Variants in ARFGEF1 observed in about 807,000 individuals in gnomAD.
ARFGEF1 encodes the protein brefeldin A-inhibited guanine nucleotide-exchange protein 1.
ARFGEF1 carries 42 observed loss-of-function variants against 231.0 expected under a neutral mutation model. The observed-to-expected ratio is 0.18, with a 90% CI of 0.14 to 0.24. The LOEUF (loss-of-function observed/expected upper bound fraction) is 0.24, where lower values mean the gene tolerates loss of function less well. Ranked by LOEUF, ARFGEF1 falls within the 10% of genes least tolerant of loss-of-function variation. The pLI is 1.00. For missense variants in ARFGEF1, 1,345 were observed against 2,192.0 expected, an observed-to-expected ratio of 0.61 and a Z score of 7.72; for synonymous variants, 710 against 732.3, an observed-to-expected ratio of 0.97 and a Z score of 0.49.
intron 1 of ARFGEF1, among the ~76,000 whole-genome samples, chr8:67,308,474 T>C (rs1454121487): frequency 6.6e-6 from 1 of 152,190 alleles, no homozygotes; most frequent in African/African-American, 2.4e-5. Context: ...TTAACAGATA[T>C]AGAGCTTAAT....
At chr8:67,197,369 G>A (rs1838084183), downstream of ARFGEF1, among the ~76,000 whole-genome samples, 1 of 152,072 alleles carries the variant, frequency 6.6e-6, no homozygotes, top group South Asian at 2.1e-4. Context: ...TGTGAGAATC[G>A]TGAGCCCAGT....
At chr8:67,225,064 C>T in intron 28 of ARFGEF1, 31 bp from the exon 29 acceptor site, 1 of 1,568,086 alleles carries the variant, frequency 6.4e-7, no homozygotes. Flanking sequence ...TTATTAAAGG[C>T]AAAACATAAC....
chr8:67,274,322 G>GC (rs1196653267), intron 9 of ARFGEF1, among the ~76,000 whole-genome samples: 1 of 139,538 alleles, frequency 7.2e-6, no homozygotes, highest in African/African-American at 2.9e-5. Flanking sequence ...TTGACTTTTG[G>GC]CAAAAAAAAA....
Position 67,224,923 on chromosome 8 carries a change from G to C in ARFGEF1, c.4188C>G (p.Cys1396Trp). ...GTTACCTGGTTCTTACATCTAATTT[G>C]CATCTATTGATGATACAGGATAACT... ...LFELSCIINRCKLDVRTRGLT... is the reference protein window; with the variant it reads ...LFELSCIINRWKLDVRTRGLT... The change falls in exon 29 of 39, where the codon TGC becomes TGG. Residue 1396 changes from cysteine to tryptophan, a missense_variant. By Grantham distance (215) the Cys-to-Trp change is radical. Coordinates refer to ENST00000262215, the MANE Select transcript of ARFGEF1 (RefSeq NM_006421.5). 6.4e-7 allele frequency: 1 copy of C among 1,564,110 alleles called. No homozygotes were observed. The highest frequency in any genetic ancestry group is 8.7e-7 in the Non-Finnish European group (1 of 1,155,946).
intron 34 of ARFGEF1, among the ~76,000 whole-genome samples, chr8:67,210,770 C>T (rs986551119): frequency 6.6e-6 from 1 of 152,092 alleles, no homozygotes; most frequent in African/African-American, 2.4e-5. Context: ...GAAGTGATGA[C>T]ATGGCCAGGC....
At chr8:67,321,207 T>A (rs1807575707) in intron 1 of ARFGEF1, among the ~76,000 whole-genome samples, 1 of 152,018 alleles carries the variant, frequency 6.6e-6, no homozygotes, top group African/African-American at 2.4e-5. Context: ...ATCCCAACTG[T>A]GATAGAAGTT....
At chr8:67,220,912 T>TA (rs1839134256) in intron 29 of ARFGEF1, among the ~76,000 whole-genome samples, 3 of 150,738 alleles carry the variant, frequency 2.0e-5, no homozygotes, top group Admixed American at 6.6e-5. Context: ...TTTTTTTTTT[T>TA]AAAGCCATAC....
At position 67,217,999 on chromosome 8, in the gene ARFGEF1, C is replaced by T. The variant is rs773895880; in HGVS notation, c.4474+4G>A. ...TTTGTGTCACATATCTGGTACAGAC[C>T]TACCTTGCTGCACACACCAGTAGAG... On this transcript the variant is annotated splice_donor_region_variant and intron_variant, in intron 31 of 38. Transcript: ENST00000262215. 1.2e-6 allele frequency: 2 copies of T among 1,612,070 alleles called. No homozygotes were observed. The highest frequency in any genetic ancestry group is 1.7e-5 in the Admixed American group (1 of 59,824).
intron 32 of ARFGEF1, among the ~76,000 whole-genome samples, chr8:67,217,079 C>T (rs558858697): frequency 1.3e-5 from 2 of 151,206 alleles, no homozygotes; most frequent in South Asian, 2.1e-4. Flanking sequence ...CCAAGGTGGG[C>T]GGATCACCCG....
At chr8:67,270,684 G>A (rs1428415309) in intron 10 of ARFGEF1, among the ~76,000 whole-genome samples, 48 of 118,366 alleles carry the variant, frequency 4.1e-4, no homozygotes, top group African/African-American at 1.4e-3. Flanking sequence ...ATTTGAAGAT[G>A]AAAACAAAAA....
In ARFGEF1 at chr8:67,337,128, CAAAA is replaced by C. The variant is rs1160016610; in HGVS notation, c.124+6032_124+6035del. 2.9e-3 allele frequency among the ~76,000 whole-genome samples: 162 copies of C among 54,974 alleles called. 1 individual carries two copies. Among genetic ancestry groups the C allele is most frequent in the African/African-American group, 0.011 (154 of 13,672 alleles). 36.1% of individuals were successfully genotyped at this position (54,974 alleles called of 152,430 possible). On this transcript the variant is annotated intron_variant, in intron 1 of 38. Coordinates refer to ENST00000262215, the MANE Select transcript of ARFGEF1 (RefSeq NM_006421.5). ...TGTGTGACAGAGCGTGACGCCGTCT[CAAAA>C]AAAAAAAAAAAAAAAAAAACAGACA...
At chr8:67,267,039 A>G in intron 12 of ARFGEF1, 52 bp downstream of exon 12, 6 of 1,610,102 alleles carry the variant, frequency 3.7e-6, no homozygotes, top group South Asian at 2.2e-5. Context: ...AGGAAAACAC[A>G]TGACTCTTTC....
chr8:67,316,142 A>G (rs1237512477), intron 1 of ARFGEF1, among the ~76,000 whole-genome samples: 1 of 152,198 alleles, frequency 6.6e-6, no homozygotes. Context: ...CTAGGTGCAA[A>G]CAATTCTACA....
chr8:67,211,245 G>A (rs903902252), intron 34 of ARFGEF1, among the ~76,000 whole-genome samples: 1 of 150,846 alleles, frequency 6.6e-6, no homozygotes, highest in African/African-American at 2.4e-5. Flanking sequence ...CCGGGAGGCT[G>A]AGGCAGAAGA....
At chr8:67,188,657 C>A (rs1835347127) in intron 5 of ARFGEF1, among the ~76,000 whole-genome samples, 1 of 152,126 alleles carries the variant, frequency 6.6e-6, no homozygotes, top group South Asian at 2.1e-4. Flanking sequence ...CGCTTGCTGT[C>A]CACCAGTGCT....
Position 67,287,989 on chromosome 8 carries a change from G to A in ARFGEF1, c.993C>T (p.Asn331=). The change falls in exon 7 of 39, where the codon AAC becomes AAT. Residue 331 remains asparagine (N), a synonymous_variant. Coordinates refer to ENST00000262215, the MANE Select transcript of ARFGEF1 (RefSeq NM_006421.5). The stretch of plus-strand genomic sequence containing the variant: ...CAATGTTCACCATTTCTTCTACAAT[G>A]TTCTGTACAATGTCTTGTGGCTTTT... ...CEEKPQDIVQ[N]IVEEMVNIVV... The A allele has an allele frequency of 6.2e-7, 1 of 1,604,388 alleles. No individual in the cohort carries two copies. Among genetic ancestry groups the A allele is most frequent in the Non-Finnish European group, 8.5e-7 (1 of 1,176,972 alleles).
In ARFGEF1 at chr8:67,251,470, C is replaced by T; in HGVS notation, c.2699-20G>A. ...CTACATCTGAAACAATAAACACTATCAGCATTTTAAATATAAAACATTTAA... is the reference window on the plus strand; with the variant it reads ...CTACATCTGAAACAATAAACACTATTAGCATTTTAAATATAAAACATTTAA... On this transcript the variant is annotated intron_variant, in intron 18 of 38. Coordinates refer to ENST00000262215, the MANE Select transcript of ARFGEF1 (RefSeq NM_006421.5). The T allele has an allele frequency of 6.4e-7, 1 of 1,555,680 alleles. No individual in the cohort carries two copies. Among genetic ancestry groups the T allele is most frequent in the Non-Finnish European group, 8.7e-7 (1 of 1,151,964 alleles).
At chr8:67,299,027 G>A (rs945586840) in intron 4 of ARFGEF1, among the ~76,000 whole-genome samples, 182 bp downstream of exon 4, 3 of 151,996 alleles carry the variant, frequency 2.0e-5, no homozygotes, top group African/African-American at 4.8e-5. Context: ...CAAGTGATCC[G>A]CCCAACTTGG....
chr8:67,192,470 G>C (rs938581065), intron 5 of ARFGEF1, among the ~76,000 whole-genome samples: 7 of 152,128 alleles, frequency 4.6e-5, no homozygotes, highest in African/African-American at 1.7e-4. Flanking sequence ...GTGATTTTCA[G>C]ATCTTTTTTC....
Sources: allele counts gnomAD v4.1 joint callset (sites outside exome capture counted in the v4.1 genomes callset), GRCh38; gene constraint gnomAD v4.1.1; transcripts MANE v1.5; gene names NCBI Gene and HGNC (gene_info 2026-07-23, HGNC 2026-07-21).